Variants in FLNB observed in about 807,000 individuals in gnomAD.
FLNB encodes the protein filamin-B.
A neutral mutation model predicts 250.6 loss-of-function variants in FLNB; 111 were observed. The ratio of observed to expected loss-of-function variants is 0.44; its 90% CI spans 0.38 to 0.52. The LOEUF (loss-of-function observed/expected upper bound fraction) is 0.52, where lower values mean the gene tolerates loss of function less well. Among genes scored for constraint, FLNB ranks in the 20% least tolerant of loss-of-function variants. The pLI, the probability that FLNB is intolerant of heterozygous loss-of-function variation, is 0.00. For missense variants in FLNB, 2,869 were observed against 3,447.8 expected (o/e 0.83, Z 4.20); for synonymous variants, 1,302 against 1,372.1 (o/e 0.95, Z 1.13).
Position 58,054,549 on chromosome 3 carries a change from T to C in FLNB, c.293-22497T>C, listed in dbSNP as rs1314062214. ...CATGGCAGAAGGGGAAGCAAACATG[T>C]CCTTCTTCACATGGAGGCCGCAGCA... On this transcript the variant is annotated intron_variant, in intron 1 of 45. Coordinates refer to ENST00000295956, the MANE Select transcript of FLNB (RefSeq NM_001457.4). Among the ~76,000 whole-genome samples, 5 of 152,114 alleles carry C rather than the reference T, an allele frequency of 3.3e-5. 1 individual carries two copies. Among genetic ancestry groups the C allele is most frequent in the Non-Finnish European group, 7.4e-5 (5 of 68,020 alleles).
chr3:58,040,053 G>A (rs1054891337), intron 1 of FLNB, among the ~76,000 whole-genome samples: 9 of 152,164 alleles, frequency 5.9e-5, no homozygotes, highest in African/African-American at 1.7e-4. Flanking sequence ...GCTGAGGCAG[G>A]AGAATTTCTT....
chr3:58,126,407 A>G (rs1163556734), intron 23 of FLNB, among the ~76,000 whole-genome samples, 195 bp from the exon 24 acceptor site: 1 of 152,200 alleles, frequency 6.6e-6, no homozygotes, highest in Non-Finnish European at 1.5e-5. Flanking sequence ...ATGAAGCATA[A>G]GCATTGAAAA....
rs1428092166 is a variant in FLNB, at chr3:58,168,472, C to T, written c.7231C>T (p.Arg2411Ter). 5 of 1,614,122 alleles carry T rather than the reference C, an allele frequency of 3.1e-6. No homozygotes were observed. The highest frequency in any genetic ancestry group is 4.2e-6 in the Non-Finnish European group (5 of 1,179,954). Residue 2411 changes from arginine to a stop codon, truncating the protein, a stop_gained, in exon 44 of 46, where the codon CGA (arginine) becomes TGA (stop). Coordinates refer to ENST00000295956, the MANE Select transcript of FLNB (RefSeq NM_001457.4). LOFTEE classifies it high-confidence loss of function. Reference protein sequence around the residue: ...IQSEFFINTTRAGPGTLSVTI... With the variant: ...IQSEFFINTT ...GTCGGAATTCTTTATTAACACCACC[C>T]GAGCAGGTCCAGGGACATTATCCGT...
rs187889983 is a variant in FLNB, at chr3:58,138,080, A to T, written c.4862-202A>T. On this transcript the variant is annotated intron_variant, in intron 28 of 45. Transcript: ENST00000295956. ...TTTAGTCAACACTCAGAGCTTACAG[A>T]TGCTCCTTATTTAGTAAGTAATTGA... Among the ~76,000 whole-genome samples, 4 of 152,308 alleles carry T rather than the reference A, an allele frequency of 2.6e-5. No individual in the cohort carries two copies. In the East Asian group the frequency reaches 7.7e-4, roughly 29 times the overall value.
At chr3:58,096,286 A>G (rs2097238422) in intron 6 of FLNB, 68 bp downstream of exon 6, 8 of 1,096,542 alleles carry the variant, frequency 7.3e-6, no homozygotes. Context: ...TAGCCCAGGA[A>G]GAAGAGTGTT....
At chr3:58,130,468 T>A (rs2097305291) in intron 24 of FLNB, among the ~76,000 whole-genome samples, 1 of 152,166 alleles carries the variant, frequency 6.6e-6, no homozygotes, top group African/African-American at 2.4e-5. Flanking sequence ...AGTGACTTGC[T>A]TGCCTCATCC....
At chr3:58,165,243 T>C (rs375149680) in intron 43 of FLNB, 1 of 152,422 alleles carries the variant, frequency 6.6e-6, no homozygotes, top group East Asian at 1.9e-4. Context: ...CATTTCCTTT[T>C]GGCTGTTCGC....
chr3:58,120,200 C>G (rs958233468), intron 19 of FLNB, among the ~76,000 whole-genome samples: 2 of 152,242 alleles, frequency 1.3e-5, no homozygotes, highest in African/African-American at 2.4e-5. Flanking sequence ...AAAGTGAGAG[C>G]TCACTGTTGG....
At chr3:58,126,502 C>T (rs1003530705) in intron 23 of FLNB, 100 bp from the exon 24 acceptor site, 17 of 1,128,162 alleles carry the variant, frequency 1.5e-5, no homozygotes, top group South Asian at 9.0e-5. Flanking sequence ...GGGGTGGCTA[C>T]GTGGAATAGT....
rs747267948 is a variant in FLNB, at chr3:58,106,688, A to T, written c.1756A>T (p.Ile586Phe). 1 of 1,614,012 alleles carries T rather than the reference A, an allele frequency of 6.2e-7. No homozygotes were observed. Among genetic ancestry groups the T allele is most frequent in the Non-Finnish European group, 8.5e-7 (1 of 1,180,002 alleles). Residue 586 changes from isoleucine to phenylalanine, a missense_variant, in exon 12 of 46, where the codon ATT becomes TTT. Ile to Phe is a conservative substitution (Grantham distance 21, BLOSUM62 0). Transcript: ENST00000295956. ...GSEVGSLGFA[I>F]EGPSQAKIEY... ...CCACCTCCACCCCCTAGGGTTTGCCATTGAAGGCCCCTCTCAGGCAAAGAT... is the reference window on the plus strand; with the variant it reads ...CCACCTCCACCCCCTAGGGTTTGCCTTTGAAGGCCCCTCTCAGGCAAAGAT...
In FLNB at chr3:58,143,722, G is replaced by A. The variant is rs374803246; in HGVS notation, c.5425+109G>A. 576 of 1,393,000 alleles carry A rather than the reference G, an allele frequency of 4.1e-4. 2 individuals are homozygous for A. Among genetic ancestry groups the A allele is most frequent in the South Asian group, 3.7e-3 (307 of 83,834 alleles). The allele number at this position is 1,393,000 out of a possible 1,614,324, so 86.3% of individuals were successfully genotyped here. ...GGGAGCAGCTCTCGGCAGCAGGCTG[G>A]AGAATGCAGCGTTGGTACCCCTGTG... On this transcript the variant is annotated intron_variant, in intron 32 of 45. Coordinates refer to ENST00000295956, the MANE Select transcript of FLNB (RefSeq NM_001457.4).
intron 45 of FLNB, 149 bp from the exon 46 acceptor site, chr3:58,170,426 G>A (rs2097380321): frequency 1.4e-6 from 1 of 721,110 alleles, no homozygotes. Context: ...CAGGCTCTAT[G>A]AGCCTCTGCT....
chr3:58,077,336 G>A (rs767747260), intron 2 of FLNB, 42 bp downstream of exon 2: 2 of 1,605,254 alleles, frequency 1.2e-6, no homozygotes, highest in East Asian at 2.2e-5. Flanking sequence ...CCAGGATGGG[G>A]GTGTGTGGGT....
intron 1 of FLNB, among the ~76,000 whole-genome samples, chr3:58,053,725 G>A (rs2106851105): frequency 6.6e-6 from 1 of 152,248 alleles, no homozygotes; most frequent in African/African-American, 2.4e-5. Flanking sequence ...GCCTCCCAAA[G>A]TGCTGGGATT....
At chr3:58,060,128 C>T in intron 1 of FLNB, among the ~76,000 whole-genome samples, 1 of 152,212 alleles carries the variant, frequency 6.6e-6, no homozygotes, top group East Asian at 1.9e-4. Flanking sequence ...CGGACCTCTG[C>T]ATAATGGACA....
chr3:58,142,730 T>C lies in FLNB; in HGVS notation c.5262T>C (p.Ala1754=). The change falls in exon 31 of 46, where the codon GCT becomes GCC. Residue 1754 remains alanine, a synonymous_variant. Coordinates refer to ENST00000295956, the MANE Select transcript of FLNB (RefSeq NM_001457.4). The surrounding 1 kb of genome is among the most constrained non-coding windows in gnomAD (Gnocchi z 4.3). ...CTTTTGACCTGGTCATTCCGTTTGCTGTCAGGAAAGGAGAAATCACTGGTA... is the reference window on the plus strand; with the variant it reads ...CTTTTGACCTGGTCATTCCGTTTGCCGTCAGGAAAGGAGAAATCACTGGTA... The part of the protein sequence containing the change: ...FKPFDLVIPF[A]VRKGEITGEV... 1 of 1,614,218 alleles carries C rather than the reference T, an allele frequency of 6.2e-7. No individual in the cohort carries two copies.
intron 1 of FLNB, among the ~76,000 whole-genome samples, chr3:58,031,823 C>T (rs575952335): frequency 2.6e-5 from 4 of 151,164 alleles, no homozygotes; most frequent in East Asian, 2.0e-4. Flanking sequence ...GGACTATAGA[C>T]GTGAACCACT....
At chr3:58,044,202 C>G (rs776054002) in intron 1 of FLNB, among the ~76,000 whole-genome samples, 7 of 152,132 alleles carry the variant, frequency 4.6e-5, no homozygotes, top group Non-Finnish European at 1.0e-4. Flanking sequence ...TGGGTGGAGT[C>G]TGTGCTTAAT....
Position 58,046,793 on chromosome 3 carries a change from C to T in FLNB, c.293-30253C>T, listed in dbSNP as rs563274683. 1.3e-3 allele frequency among the ~76,000 whole-genome samples: 196 copies of T among 152,234 alleles called. 3 individuals are homozygous for T. Among genetic ancestry groups the T allele is most frequent in the Admixed American group, 0.012 (189 of 15,278 alleles). ...CCTGTATCCATTAGCAGTCACTCTC[C>T]CTTTCCCTTCCCCAACCAGGCCCAA... On this transcript the variant is annotated intron_variant, in intron 1 of 45. Transcript: ENST00000295956.
Sources: allele counts gnomAD v4.1 joint callset (sites outside exome capture counted in the v4.1 genomes callset), GRCh38; gene constraint gnomAD v4.1.1; non-coding constraint Gnocchi (gnomAD v3.1); transcripts MANE v1.5; gene names NCBI Gene and HGNC (gene_info 2026-07-23, HGNC 2026-07-21).